The following NBPF20 variants were observed in gnomAD, a reference collection of about 807,000 sequenced individuals.
NBPF20 encodes NBPF family member NBPF20.
A neutral mutation model predicts 68.1 loss-of-function variants in NBPF20; 90 were observed. The observed-to-expected ratio is 1.32, with a 90% CI of 1.11 to 1.58. NBPF20 has a LOEUF of 1.58. NBPF20 is among the 40% of genes most tolerant of loss of function. The pLI, the probability that NBPF20 is intolerant of heterozygous loss-of-function variation, is 0.00. For synonymous variants in NBPF20, 290 were observed against 228.1 expected (o/e 1.27, Z -2.45); for missense variants, 816 against 601.2 (o/e 1.36, Z -3.74).
intron 129 of NBPF20, among the ~76,000 whole-genome samples, chr1:145,298,373 C>A (rs1233204377): frequency 1.4e-5 from 2 of 143,876 alleles, no homozygotes; most frequent in African/African-American, 5.8e-5. Flanking sequence ...CACACACAGA[C>A]ACACACACAC....
upstream of NBPF20, among the ~76,000 whole-genome samples, chr1:145,407,261 C>T (rs1246819611): frequency 1.3e-5 from 2 of 148,726 alleles, no homozygotes; most frequent in Admixed American, 1.3e-4. Flanking sequence ...GGGAACATCA[C>T]ACACCAGGGC....
chr1:145,394,107 T>G (rs1443534036), intron 8 of NBPF20, among the ~76,000 whole-genome samples, 172 bp from the exon 14 acceptor site: 1 of 152,090 alleles, frequency 6.6e-6, no homozygotes, highest in Non-Finnish European at 1.5e-5. Context: ...AAAACTGGCT[T>G]GGGTTCTTTC....
upstream of NBPF20, among the ~76,000 whole-genome samples, chr1:145,409,618 A>G (rs1297576445): frequency 4.8e-5 from 7 of 146,554 alleles, no homozygotes; most frequent in African/African-American, 1.5e-4. Context: ...GGCCTCCACA[A>G]ACAAGTTTAT....
At chr1:145,393,555 T>G (rs1662044938) in intron 9 of NBPF20, among the ~76,000 whole-genome samples, 1 of 152,082 alleles carries the variant, frequency 6.6e-6, no homozygotes, top group African/African-American at 2.4e-5. Flanking sequence ...ACTCTGTATT[T>G]GTGCTCTCAG....
At chr1:145,398,526 C>A (rs1662366859) in intron 7 of NBPF20, among the ~76,000 whole-genome samples, 1 of 152,018 alleles carries the variant, frequency 6.6e-6, no homozygotes, top group African/African-American at 2.4e-5. Context: ...TCTTTGAAAC[C>A]AATGAGAACA....
At position 145,372,503 on chromosome 1, in the gene NBPF20, G is replaced by A. The variant is rs1354751771; in HGVS notation, c.4369+9C>T. 7.6e-6 allele frequency: 4 copies of A among 529,794 alleles called. 1 individual carries two copies. In the African/African-American group the frequency reaches 1.7e-4, roughly 23 times the overall value. The allele number at this position is 529,794 out of a possible 1,614,324, so 32.8% of individuals were successfully genotyped here. ...TGGAGGCTTATCACCTTCACAGTAAGATACTCACTGTCCACGTCAAGAGCC... is the reference window on the plus strand; with the variant it reads ...TGGAGGCTTATCACCTTCACAGTAAAATACTCACTGTCCACGTCAAGAGCC... On this transcript the variant is annotated intron_variant, in intron 36 of 137. Coordinates refer to ENST00000369373, the Ensembl canonical transcript of NBPF20.
At chr1:145,292,614 A>G in intron 136 of NBPF20, 125 bp from the exon 142 acceptor site, 2 of 746,326 alleles carry the variant, frequency 2.7e-6, no homozygotes, top group Admixed American at 1.9e-5. Context: ...ACTTTGAGAG[A>G]TATATTTCAG....
the NBPF20 span, among the ~76,000 whole-genome samples, chr1:145,417,431 G>A: frequency 2.8e-5 from 4 of 142,260 alleles, no homozygotes; most frequent in African/African-American, 5.2e-5. Context: ...AAAACCAAAA[G>A]CACAATCTAC....
rs1553663330 is a variant in NBPF20 at position 145,394,675 on chromosome 1, C to A, written c.991+303G>T. On this transcript the variant is annotated intron_variant, in intron 8 of 137. Coordinates refer to ENST00000369373, the Ensembl canonical transcript of NBPF20. Reference sequence around the variant, plus strand: ...AGATGAGCTGAGCTGACAGACAACTCCTGGGCATGTGCTGCATAGTTTGGT... The same window carrying A: ...AGATGAGCTGAGCTGACAGACAACTACTGGGCATGTGCTGCATAGTTTGGT... 2.0e-5 allele frequency among the ~76,000 whole-genome samples: 3 copies of A among 152,086 alleles called. No individual in the cohort carries two copies. The East Asian group carries it at 5.8e-4, about 29-fold the overall frequency.
chr1:145,393,531 G>C lies in NBPF20; in HGVS notation c.1044-285C>G, dbSNP rs587637199. Among the ~76,000 whole-genome samples the C allele has an allele frequency of 9.8e-3, 1,486 of 151,980 alleles. 18 individuals carry two copies. The highest frequency in any genetic ancestry group is 0.033 in the African/African-American group (1,384 of 41,448). ...AATTGGTCAGGTGACACACTGATGAGGGAGTCAAAGGACACTCTGTATTTG... is the reference window on the plus strand; with the variant it reads ...AATTGGTCAGGTGACACACTGATGACGGAGTCAAAGGACACTCTGTATTTG... On this transcript the variant is annotated intron_variant, in intron 9 of 137. Coordinates refer to ENST00000369373, the Ensembl canonical transcript of NBPF20.
chr1:145,393,841 G>T (rs1553662963), intron 9 of NBPF20, 43 bp downstream of exon 14: 2 of 1,401,694 alleles, frequency 1.4e-6, no homozygotes, highest in Admixed American at 1.7e-5. Context: ...GGCATCTCCA[G>T]GTGTCAACAT....
the NBPF20 span, among the ~76,000 whole-genome samples, chr1:145,419,430 C>G: frequency 6.6e-6 from 1 of 152,190 alleles, no homozygotes; most frequent in Non-Finnish European, 1.5e-5. Flanking sequence ...CATAATTCCT[C>G]TGGCCCACTG....
At chr1:145,405,046 G>A (rs1662706888) in intron 2 of NBPF20, 52 bp downstream of exon 7, 3 of 1,612,030 alleles carry the variant, frequency 1.9e-6, no homozygotes, top group Non-Finnish European at 1.7e-6. Context: ...TAGTGTCTCA[G>A]AAGACAGGAC....
chr1:145,423,357 T>A, the NBPF20 span, among the ~76,000 whole-genome samples: 7 of 150,818 alleles, frequency 4.6e-5, no homozygotes, highest in African/African-American at 7.3e-5. Context: ...GAGGATCACC[T>A]GAGCCTTGGG....
intron 9 of NBPF20, 94 bp downstream of exon 14, chr1:145,393,790 C>T (rs1278452850): frequency 5.1e-6 from 7 of 1,359,818 alleles, no homozygotes; most frequent in African/African-American, 1.4e-5. Context: ...TCTGACAAGA[C>T]AAAATCATTA....
intron 133 of NBPF20, chr1:145,295,324 A>G (rs1661281486): frequency 2.2e-5 from 4 of 180,244 alleles, no homozygotes; most frequent in Non-Finnish European, 3.8e-5. Context: ...AAACTTGCTC[A>G]AGATTCCATG....
intron 136 of NBPF20, among the ~76,000 whole-genome samples, 156 bp from the exon 142 acceptor site, chr1:145,292,645 GAT>G (rs1341747178): frequency 4.0e-5 from 6 of 148,292 alleles, no homozygotes; most frequent in African/African-American, 1.6e-4. Flanking sequence ...GGCTGTTCAT[GAT>G]AGAACTTCCT....
In NBPF20 at chr1:145,395,781, T is replaced by C. The variant is rs1249619647; in HGVS notation, c.828-640A>G. Reference sequence around the variant, plus strand: ...GGGACCTGACTGTTAGAAGGAAAACTAACACACAGAAAGGAATAACATCAA... The same window carrying C: ...GGGACCTGACTGTTAGAAGGAAAACCAACACACAGAAAGGAATAACATCAA... On this transcript the variant is annotated intron_variant, in intron 7 of 137. Transcript: ENST00000369373. 4.7e-5 allele frequency among the ~76,000 whole-genome samples: 7 copies of C among 147,554 alleles called. No homozygotes were observed. In the East Asian group the frequency reaches 1.4e-3, roughly 29 times the overall value.
chr1:145,395,153 G>A lies in NBPF20; in HGVS notation c.828-12C>T, dbSNP rs1662161570. The A allele has an allele frequency of 6.8e-7, 1 of 1,464,316 alleles. No homozygotes were observed. The highest frequency in any genetic ancestry group is 1.7e-5 in the Admixed American group (1 of 59,416). 90.7% of individuals were successfully genotyped at this position (1,464,316 alleles called of 1,614,324 possible). A position where few individuals can be genotyped will look rare whatever the true frequency, so the allele number is the denominator to read the frequency against. On this transcript the variant is annotated splice_polypyrimidine_tract_variant and intron_variant, in intron 7 of 137. Transcript: ENST00000369373. ...ACTCCTGCAGATTCCTGATGAGCCA[G>A]GCAGGACAGGGATGATAGAAGATTT... is the stretch of plus-strand genomic sequence containing the variant.
Sources: allele counts gnomAD v4.1 joint callset (sites outside exome capture counted in the v4.1 genomes callset), GRCh38; gene constraint gnomAD v4.1.1; transcripts MANE v1.5; gene names NCBI Gene and HGNC (gene_info 2026-07-23, HGNC 2026-07-21).